PCDHGA3: variants seen among roughly 807,000 people sequenced by gnomAD.
PCDHGA3 encodes the protein protocadherin gamma subfamily A, 3.
A neutral mutation model predicts 58.5 loss-of-function variants in PCDHGA3; 40 were observed. The ratio of observed to expected loss-of-function variants is 0.68; its 90% confidence interval spans 0.53 to 0.89. The LOEUF is 0.89. PCDHGA3 is among the 40% of genes least tolerant of loss of function. The pLI is 0.00. For missense variants in PCDHGA3, 1,223 were observed against 1,195.9 expected (o/e 1.02, Z -0.33); for synonymous variants, 530 against 525.7 (o/e 1.01, Z -0.11).
chr5:141,490,130 C>A lies in PCDHGA3; in HGVS notation c.2425-4677C>A, dbSNP rs535362535. On this transcript the variant is annotated intron_variant, in intron 1 of 3. Coordinates refer to ENST00000253812, the MANE Select transcript of PCDHGA3 (RefSeq NM_018916.4). The surrounding 1 kb of genome is among the most constrained non-coding windows in gnomAD (Gnocchi z 5.4). ...GTGCGGAACCTCTTTGGCCTAGACC[C>A]TAGCAGTGGGGCAATCCATGTGTTG... 11 of 1,614,242 alleles carry A rather than the reference C, an allele frequency of 6.8e-6. No individual in the cohort carries two copies. In the African/African-American group the frequency reaches 1.3e-4, roughly 20 times the overall value.
intron 1 of PCDHGA3, chr5:141,404,380 C>T (rs777340976): frequency 1.9e-6 from 3 of 1,613,916 alleles, no homozygotes; most frequent in Non-Finnish European, 2.5e-6. Context: ...CCGTGATTGC[C>T]TATGACCCTG....
intron 1 of PCDHGA3, chr5:141,384,940 T>C: frequency 6.2e-7 from 1 of 1,613,942 alleles, no homozygotes; most frequent in Non-Finnish European, 8.5e-7. Flanking sequence ...CCTTGAGCCC[T>C]CCGACGGTCC....
In PCDHGA3 at chr5:141,356,620, A is replaced by G. The variant is rs369561232; in HGVS notation, c.2424+10163A>G. 4 of 1,614,026 alleles carry G rather than the reference A, an allele frequency of 2.5e-6. No individual in the cohort carries two copies. The African/African-American group carries it at 4.0e-5, about 16-fold the overall frequency. ...CCCCAGAGGAGCCTCCATCTTATCT[A>G]TGACTGCTCAAGACCCTGACAGTGG... On this transcript the variant is annotated intron_variant, in intron 1 of 3. Coordinates refer to ENST00000253812, the MANE Select transcript of PCDHGA3 (RefSeq NM_018916.4).
At chr5:141,459,670 T>A (rs890411975) in intron 1 of PCDHGA3, among the ~76,000 whole-genome samples, 4 of 152,264 alleles carry the variant, frequency 2.6e-5, no homozygotes, top group African/African-American at 9.6e-5. Context: ...TACATTTTCA[T>A]GAGCAATGCA....
At chr5:141,350,243 C>T (rs750200716) in intron 1 of PCDHGA3, 1 of 1,505,416 alleles carries the variant, frequency 6.6e-7, no homozygotes, top group Non-Finnish European at 8.9e-7. Flanking sequence ...GAAAGAAGCT[C>T]CGCGGAGAGT....
At position 141,393,516 on chromosome 5, in the gene PCDHGA3, A is replaced by G. The variant is rs368866192; in HGVS notation, c.2424+47059A>G. 1.5e-5 allele frequency: 24 copies of G among 1,614,046 alleles called. No homozygotes were observed. Among genetic ancestry groups the G allele is most frequent in the African/African-American group, 2.7e-5 (2 of 75,084 alleles). ...GCGCATCCACGTGACAGTGTTGGAT[A>G]CAAATGACAATGCCCCGGTTTTTCC... is the stretch of plus-strand genomic sequence containing the variant. On this transcript the variant is annotated intron_variant, in intron 1 of 3. Transcript: ENST00000253812.
At chr5:141,498,954 A>G (rs1180380627) in intron 2 of PCDHGA3, among the ~76,000 whole-genome samples, 2 of 134,538 alleles carry the variant, frequency 1.5e-5, no homozygotes, top group Non-Finnish European at 3.2e-5. Context: ...AGAAAAAGAG[A>G]GAGAGGGAGG....
chr5:141,360,379 GGAGACTTACTTGTGAGTGACA>G (rs761769972), intron 1 of PCDHGA3: 9 of 1,613,760 alleles, frequency 5.6e-6, no homozygotes, highest in Non-Finnish European at 7.6e-6. Flanking sequence ...CCCAGAAAGC[GGAGACTTACTTGTGAGTGACA>G]GAATAGACCG....
Position 141,491,657 on chromosome 5 carries a change from A to T in PCDHGA3, c.2425-3150A>T. 1.2e-6 allele frequency: 2 copies of T among 1,613,740 alleles called. No homozygotes were observed. Among genetic ancestry groups the T allele is most frequent in the Non-Finnish European group, 1.7e-6 (2 of 1,180,006 alleles). On this transcript the variant is annotated intron_variant, in intron 1 of 3. Transcript: ENST00000253812. The surrounding 1 kb of genome is among the most constrained non-coding windows in gnomAD (Gnocchi z 6.9). ...CCCACAGCTCTGGCGCTGGAGCCTG[A>T]CGCCATCCGGTCCCGCTCTAATACG...
At chr5:141,361,178 T>C (rs1395643318) in intron 1 of PCDHGA3, 3 of 1,613,812 alleles carry the variant, frequency 1.9e-6, no homozygotes, top group Non-Finnish European at 1.7e-6. Flanking sequence ...CCTGAAGTTA[T>C]TGTGACTTCA....
intron 1 of PCDHGA3, chr5:141,400,680 G>A (rs1452030965): frequency 1.4e-5 from 12 of 883,960 alleles, no homozygotes; most frequent in Admixed American, 5.5e-5. Context: ...GCAGTAAATT[G>A]TGAGTTTTTA....
chr5:141,440,401 C>T (rs1023628115), intron 1 of PCDHGA3: 4 of 152,088 alleles, frequency 2.6e-5, no homozygotes, highest in African/African-American at 7.3e-5. Context: ...GAGAGGCAAT[C>T]GCACCACTGC....
intron 1 of PCDHGA3, chr5:141,398,587 C>A (rs2093675414): frequency 6.2e-7 from 1 of 1,613,860 alleles, no homozygotes. Flanking sequence ...AAGATTTATA[C>A]TAGAAGTAGC....
chr5:141,426,806 T>C (rs1390972821), intron 1 of PCDHGA3: 1 of 456,600 alleles, frequency 2.2e-6, no homozygotes, highest in Non-Finnish European at 4.4e-6. Context: ...TCAGTTCTAA[T>C]GAACATTTCT....
intron 3 of PCDHGA3, among the ~76,000 whole-genome samples, chr5:141,509,574 G>T (rs554778751): frequency 6.6e-6 from 1 of 152,300 alleles, no homozygotes; most frequent in South Asian, 2.1e-4. Context: ...TTCACAGTGC[G>T]TACAAATCAG....
At chr5:141,386,979 T>C (rs2090768348) in intron 1 of PCDHGA3, among the ~76,000 whole-genome samples, 1 of 152,202 alleles carries the variant, frequency 6.6e-6, no homozygotes, top group South Asian at 2.1e-4. Flanking sequence ...ACTTTGTGTT[T>C]TGAGGCTATG....
chr5:141,367,141 T>G (rs1764967867), intron 1 of PCDHGA3: 1 of 171,782 alleles, frequency 5.8e-6, no homozygotes, highest in Admixed American at 5.8e-5. Context: ...GAAAGGATAA[T>G]GTATAGGACT....
intron 1 of PCDHGA3, among the ~76,000 whole-genome samples, chr5:141,443,764 C>A (rs1351060316): frequency 6.6e-6 from 1 of 151,708 alleles, no homozygotes; most frequent in Non-Finnish European, 1.5e-5. Flanking sequence ...TTACAATATA[C>A]AATATTACCA....
intron 1 of PCDHGA3, among the ~76,000 whole-genome samples, chr5:141,482,127 T>C (rs2099553382): frequency 6.6e-6 from 1 of 151,774 alleles, no homozygotes; most frequent in African/African-American, 2.4e-5. Flanking sequence ...GGGAGAATCA[T>C]ATGGCTGGCA....
Sources: allele counts gnomAD v4.1 joint callset (sites outside exome capture counted in the v4.1 genomes callset), GRCh38; gene constraint gnomAD v4.1.1; non-coding constraint Gnocchi (gnomAD v3.1); transcripts MANE v1.5; gene names NCBI Gene and HGNC (gene_info 2026-07-23, HGNC 2026-07-21).